BCAS3: variants seen among roughly 807,000 people sequenced by gnomAD.
BCAS3 encodes the protein BCAS3 microtubule associated cell migration factor, also known as BCAS4/BCAS3 fusion.
A neutral mutation model predicts 116.1 loss-of-function variants in BCAS3; 53 were observed. The ratio of observed to expected loss-of-function variants is 0.46; its 90% confidence interval spans 0.37 to 0.57. BCAS3 has a LOEUF of 0.57. Among genes scored for constraint, BCAS3 ranks in the 20% least tolerant of loss-of-function variants. The pLI is 0.00. For synonymous variants in BCAS3, 391 were observed against 408.2 expected (o/e 0.96, Z 0.51); for missense variants, 917 against 1,165.4 (o/e 0.79, Z 3.10).
chr17:60,704,445 A>G (rs888483211), intron 4 of BCAS3, among the ~76,000 whole-genome samples: 6 of 152,182 alleles, frequency 3.9e-5, no homozygotes, highest in African/African-American at 9.7e-5. Context: ...TCATTGTATA[A>G]CAAGAAGACC....
intron 6 of BCAS3, among the ~76,000 whole-genome samples, chr17:60,805,713 A>C (rs2048208993): frequency 6.6e-6 from 1 of 151,932 alleles, no homozygotes; most frequent in East Asian, 2.0e-4. Flanking sequence ...CTGTAATCCC[A>C]GCTACTTGGA....
Position 60,963,333 on chromosome 17 carries a change from G to GT in BCAS3, c.1221+15985dup, listed in dbSNP as rs555927787. Among the ~76,000 whole-genome samples, 533 of 151,856 alleles carry GT rather than the reference G, an allele frequency of 3.5e-3. 1 individual carries two copies. Among genetic ancestry groups the GT allele is most frequent in the Non-Finnish European group, 5.4e-3 (364 of 67,936 alleles). On this transcript the variant is annotated intron_variant, in intron 14 of 23. Transcript: ENST00000407086. Reference sequence around the variant, plus strand: ...GTAAACTACTTTGGATAGTATTGTCGTTTTAACAGTATTCTTTGATCCATA... The same window carrying GT: ...GTAAACTACTTTGGATAGTATTGTCGTTTTTAACAGTATTCTTTGATCCATA...
rs1192291545 is a variant in BCAS3 at position 61,098,805 on chromosome 17, A to G, written c.2425+14241A>G. Among the ~76,000 whole-genome samples the G allele has an allele frequency of 1.3e-5, 2 of 151,566 alleles. No individual in the cohort carries two copies. The highest frequency in any genetic ancestry group is 4.9e-5 in the African/African-American group (2 of 41,196). ...ACCTTAACAGTAGGTGTGGATCCTG[A>G]TTGTTCTGTTACTGCTTGGCTTAAG... On this transcript the variant is annotated intron_variant, in intron 22 of 23. Coordinates refer to ENST00000407086, the MANE Select transcript of BCAS3 (RefSeq NM_017679.5). This position sits in a 1 kb window ranked among gnomAD's most constrained non-coding sequence, Gnocchi z 4.2.
At chr17:61,350,403 A>C (rs939337048) in intron 22 of BCAS3, among the ~76,000 whole-genome samples, 2 of 143,768 alleles carry the variant, frequency 1.4e-5, no homozygotes, top group African/African-American at 5.0e-5. Flanking sequence ...CGACAGAGCG[A>C]GACTCTGTCT....
At chr17:60,715,326 G>A (rs1448101604) in intron 5 of BCAS3, among the ~76,000 whole-genome samples, 4 of 151,272 alleles carry the variant, frequency 2.6e-5, no homozygotes, top group Non-Finnish European at 4.4e-5. Flanking sequence ...TAGTAGAGAC[G>A]GGGTTTCACC....
chr17:60,956,603 C>T lies in BCAS3; in HGVS notation c.1221+9251C>T, dbSNP rs1168027344. On this transcript the variant is annotated intron_variant, in intron 14 of 23. Transcript: ENST00000407086. This position sits in a 1 kb window ranked among gnomAD's most constrained non-coding sequence, Gnocchi z 4.2. ...TAGAAATTTTGCTTAAGCTTCTTGG[C>T]ATCTCTCATGCATAGAATGGAGCCT... 6.6e-6 allele frequency among the ~76,000 whole-genome samples: 1 copy of T among 152,158 alleles called. No homozygotes were observed. The highest frequency in any genetic ancestry group is 1.9e-4 in the East Asian group (1 of 5,196).
In BCAS3 at chr17:61,369,072, G is replaced by A. The variant is rs796265608; in HGVS notation, c.2593+578G>A. Among the ~76,000 whole-genome samples, 6 of 152,316 alleles carry A rather than the reference G, an allele frequency of 3.9e-5. No homozygotes were observed. In the South Asian group the frequency reaches 8.3e-4, roughly 21 times the overall value. On this transcript the variant is annotated intron_variant, in intron 23 of 23. Transcript: ENST00000407086. Reference sequence around the variant, plus strand: ...TGAGGGAGCCCTGGCCCAGGCAAGTGCATGTTCATGTGCGCACACACGCAA... The same window carrying A: ...TGAGGGAGCCCTGGCCCAGGCAAGTACATGTTCATGTGCGCACACACGCAA...
At position 61,354,068 on chromosome 17, in the gene BCAS3, A is replaced by C. The variant is rs1216727123; in HGVS notation, c.2426-14259A>C. Reference sequence around the variant, plus strand: ...GCCACCCCGCTGGTTCTACTTCCGCACCCACCTCTGGCAGCCATGATGCTT... The same window carrying C: ...GCCACCCCGCTGGTTCTACTTCCGCCCCCACCTCTGGCAGCCATGATGCTT... On this transcript the variant is annotated intron_variant, in intron 22 of 23. Transcript: ENST00000407086. The surrounding 1 kb of genome is among the most constrained non-coding windows in gnomAD (Gnocchi z 4.5). 6.6e-6 allele frequency: 1 copy of C among 152,210 alleles called. No homozygotes were observed. Among genetic ancestry groups the C allele is most frequent in the Non-Finnish European group, 1.5e-5 (1 of 68,096 alleles). The allele number at this position is 152,210 out of a possible 1,614,324, so 9.4% of individuals were successfully genotyped here. A position where few individuals can be genotyped will look rare whatever the true frequency, so the allele number is the denominator to read the frequency against.
intron 22 of BCAS3, among the ~76,000 whole-genome samples, chr17:61,263,498 A>G (rs732350): frequency 0.56 from 84,679 of 152,106 alleles, 25,921 homozygotes; most frequent in East Asian, 0.81. Flanking sequence ...GATGCTGCCC[A>G]TGCAGAGGTC....
chr17:60,973,737 C>T (rs557463432), intron 14 of BCAS3, among the ~76,000 whole-genome samples: 3 of 151,764 alleles, frequency 2.0e-5, no homozygotes, highest in East Asian at 1.9e-4. Flanking sequence ...GGATTACAGG[C>T]GCATGCACCA....
chr17:61,129,280 TTTG>T (rs566265280), intron 22 of BCAS3, among the ~76,000 whole-genome samples: 2 of 152,224 alleles, frequency 1.3e-5, no homozygotes, highest in Admixed American at 6.5e-5. Context: ...AATGAATTTC[TTTG>T]TTGTTGTTGT....
chr17:60,834,050 A>G (rs766684740), intron 7 of BCAS3, among the ~76,000 whole-genome samples: 26 of 152,132 alleles, frequency 1.7e-4, no homozygotes, highest in Non-Finnish European at 2.8e-4. Flanking sequence ...TCTGATTCTA[A>G]TAACAGGAAA....
intron 22 of BCAS3, among the ~76,000 whole-genome samples, chr17:61,164,059 G>A (rs2078333394): frequency 7.1e-6 from 1 of 141,744 alleles, no homozygotes; most frequent in Non-Finnish European, 1.5e-5. Context: ...GAAATGACCA[G>A]ATTTTTGGGC....
intron 5 of BCAS3, among the ~76,000 whole-genome samples, chr17:60,738,518 G>A (rs1258064975): frequency 6.6e-6 from 1 of 152,046 alleles, no homozygotes; most frequent in Non-Finnish European, 1.5e-5. Flanking sequence ...ATACAGCTGT[G>A]GTTGCCTTCT....
chr17:61,025,938 A>G (rs1191762987), intron 16 of BCAS3, among the ~76,000 whole-genome samples: 1 of 152,108 alleles, frequency 6.6e-6, no homozygotes, highest in Non-Finnish European at 1.5e-5. Flanking sequence ...TTATTTTTTA[A>G]TTCTAGAACC....
In BCAS3 at chr17:61,383,690, G is replaced by A. The variant is rs190689674; in HGVS notation, c.2594-8287G>A. ...GGACGGACCAGTGGCAGGGAGGAACGCGCGTCTGCCTGTGGAATGAGAGAC... is the reference window on the plus strand; with the variant it reads ...GGACGGACCAGTGGCAGGGAGGAACACGCGTCTGCCTGTGGAATGAGAGAC... On this transcript the variant is annotated intron_variant, in intron 23 of 23. Transcript: ENST00000407086. 5.9e-5 allele frequency: 9 copies of A among 152,396 alleles called. No homozygotes were observed. The East Asian group carries it at 9.6e-4, about 16-fold the overall frequency. The allele number at this position is 152,396 out of a possible 1,614,324, so 9.4% of individuals were successfully genotyped here. A position where few individuals can be genotyped will look rare whatever the true frequency, so the allele number is the denominator to read the frequency against.
chr17:61,030,343 C>G (rs2066543704), intron 16 of BCAS3, among the ~76,000 whole-genome samples: 2 of 152,002 alleles, frequency 1.3e-5, no homozygotes, highest in Non-Finnish European at 2.9e-5. Context: ...GATCATTGTC[C>G]TGTAATTTTT....
intron 13 of BCAS3, among the ~76,000 whole-genome samples, chr17:60,942,759 T>C (rs2060291364): frequency 6.6e-6 from 1 of 152,176 alleles, no homozygotes; most frequent in Non-Finnish European, 1.5e-5. Context: ...CTATCTTGTC[T>C]TCCCACAGAT....
At position 61,199,791 on chromosome 17, in the gene BCAS3, T is replaced by A. The variant is rs1183586486; in HGVS notation, c.2425+115227T>A. 6.6e-6 allele frequency among the ~76,000 whole-genome samples: 1 copy of A among 152,178 alleles called. No individual in the cohort carries two copies. Among genetic ancestry groups the A allele is most frequent in the African/African-American group, 2.4e-5 (1 of 41,454 alleles). On this transcript the variant is annotated intron_variant, in intron 22 of 23. Transcript: ENST00000407086. This position sits in a 1 kb window ranked among gnomAD's most constrained non-coding sequence, Gnocchi z 4.6. ...TCCTCAGCAATAGATCCTATCTCTATCCCTTTTCCAAAAGCCCGGTAAAGT... is the reference window on the plus strand; with the variant it reads ...TCCTCAGCAATAGATCCTATCTCTAACCCTTTTCCAAAAGCCCGGTAAAGT...
Sources: gnomAD v4.1 joint callset for allele counts (sites outside exome capture counted in the v4.1 genomes callset) on GRCh38, gnomAD v4.1.1 for gene constraint, Gnocchi (gnomAD v3.1) non-coding constraint, MANE v1.5 for transcripts, NCBI Gene and HGNC (gene_info 2026-07-23, HGNC 2026-07-21) for gene names.